PCDHGB2: variants seen among roughly 807,000 people sequenced by gnomAD.
The protein encoded by PCDHGB2 is protocadherin gamma subfamily B, 2, also known as protocadherin gamma-B2.
Under a neutral mutation model 59.3 loss-of-function variants are expected in PCDHGB2, and 55 were observed. The observed-to-expected ratio is 0.93, with a 90% CI of 0.75 to 1.16. The LOEUF (loss-of-function observed/expected upper bound fraction) is 1.16. Ranked by LOEUF, PCDHGB2 falls within the 50% of genes most tolerant of loss-of-function variation. The probability of loss-of-function intolerance (pLI) is 0.00; values close to 1 mark genes in which losing one functional copy is unlikely to be tolerated. For synonymous variants in PCDHGB2, 516 were observed against 512.0 expected (o/e 1.01, Z -0.11); for missense variants, 1,228 against 1,198.5 (o/e 1.02, Z -0.36).
At chr5:141,414,587 G>A (rs775783880) in intron 1 of PCDHGB2, 5 of 1,613,828 alleles carry the variant, frequency 3.1e-6, no homozygotes, top group Non-Finnish European at 8.5e-7. Context: ...AACAACGCCA[G>A]GGGTGCCTCC....
At chr5:141,393,316 A>T (rs2092726404) in intron 1 of PCDHGB2, 2 of 1,612,964 alleles carry the variant, frequency 1.2e-6, no homozygotes, top group Non-Finnish European at 1.7e-6. Flanking sequence ...AACTCCCTCC[A>T]GAGCTACCAG....
At chr5:141,496,581 C>T (rs868326584) in intron 2 of PCDHGB2, among the ~76,000 whole-genome samples, 9 of 152,134 alleles carry the variant, frequency 5.9e-5, no homozygotes, top group African/African-American at 1.9e-4. Flanking sequence ...ATTTTAGGAA[C>T]GCAAAGCGCT....
At chr5:141,488,594 C>T (rs1398982317) in intron 1 of PCDHGB2, among the ~76,000 whole-genome samples, 3 of 152,164 alleles carry the variant, frequency 2.0e-5, no homozygotes, top group African/African-American at 7.2e-5. Context: ...CAGGGCAAGA[C>T]TTTACAAGGT....
At chr5:141,411,059 C>T (rs1384816111) in intron 1 of PCDHGB2, 1 of 156,328 alleles carries the variant, frequency 6.4e-6, no homozygotes, top group African/African-American at 2.4e-5. Context: ...ACTATGTCGA[C>T]CAGGCTGTTC....
At chr5:141,371,258 G>A in intron 1 of PCDHGB2, 1 of 1,614,052 alleles carries the variant, frequency 6.2e-7, no homozygotes, top group South Asian at 1.1e-5. Context: ...GCAAGGAAGT[G>A]AGACAACTGT....
intron 1 of PCDHGB2, chr5:141,365,091 A>G: frequency 6.2e-7 from 1 of 1,613,870 alleles, no homozygotes. Context: ...GTTCCAGAGA[A>G]CATACCTGTG....
chr5:141,431,389 G>T lies in PCDHGB2; in HGVS notation c.2422-63418G>T, dbSNP rs1213370298. 1 of 1,613,876 alleles carries T rather than the reference G, an allele frequency of 6.2e-7. No homozygotes were observed. Among genetic ancestry groups the T allele is most frequent in the Admixed American group, 1.7e-5 (1 of 60,028 alleles). On this transcript the variant is annotated intron_variant, in intron 1 of 3. Transcript: ENST00000522605. This position sits in a 1 kb window ranked among gnomAD's most constrained non-coding sequence, Gnocchi z 4.8. ...GCGAAGAAAAGGCTGCTCACCACCT[G>T]GTCCTTACGGCCTCCGACGGGGGCG...
intron 1 of PCDHGB2, chr5:141,427,619 C>T: frequency 1.4e-6 from 1 of 696,342 alleles, no homozygotes; most frequent in Non-Finnish European, 2.6e-6. Context: ...AAGTCAACGA[C>T]AATGCTCCGG....
rs781580216 is a variant in PCDHGB2 at position 141,430,931 on chromosome 5, G to A, written c.2422-63876G>A. The stretch of plus-strand genomic sequence containing the variant: ...CAGGGACCTGGGGCTGGAGCCCCGG[G>A]AGCTCGCGGAGCGCGGAGTCCGCAT... On this transcript the variant is annotated intron_variant, in intron 1 of 3. Coordinates refer to ENST00000522605, the MANE Select transcript of PCDHGB2 (RefSeq NM_018923.3). The A allele has an allele frequency of 1.5e-5, 24 of 1,607,530 alleles. No individual in the cohort carries two copies. In the East Asian group the frequency reaches 4.9e-4, roughly 33 times the overall value.
At chr5:141,384,990 G>A in intron 1 of PCDHGB2, 1 of 1,614,140 alleles carries the variant, frequency 6.2e-7, no homozygotes, top group Non-Finnish European at 8.5e-7. Context: ...TGGTGGCGGT[G>A]GCCACAGTCT....
At chr5:141,467,571 A>G (rs1228156610) in intron 1 of PCDHGB2, among the ~76,000 whole-genome samples, 1 of 152,212 alleles carries the variant, frequency 6.6e-6, no homozygotes, top group South Asian at 2.1e-4. Flanking sequence ...ATGGCTATCC[A>G]GTTGTCCCAA....
At chr5:141,475,315 A>G (rs766425496) in intron 1 of PCDHGB2, among the ~76,000 whole-genome samples, 2 of 152,182 alleles carry the variant, frequency 1.3e-5, no homozygotes, top group Non-Finnish European at 2.9e-5. Flanking sequence ...CCTGGTTCTT[A>G]AGAAATGAGA....
chr5:141,401,010 G>A (rs62378449), intron 1 of PCDHGB2, among the ~76,000 whole-genome samples: 17,448 of 152,052 alleles, frequency 0.11, 1,158 homozygotes, highest in African/African-American at 0.18. Context: ...CCTACCTAAT[G>A]GATTTATGAT....
At chr5:141,389,118 C>T in intron 1 of PCDHGB2, 1 of 1,614,006 alleles carries the variant, frequency 6.2e-7, no homozygotes, top group Non-Finnish European at 8.5e-7. Context: ...AGACCGCGAG[C>T]AGAATCCAGA....
In PCDHGB2 at chr5:141,362,538, C is replaced by T. The variant is rs1762553339; in HGVS notation, c.2403C>T (p.Ala801=). ...TNHGAAGVPF[A]SDTILKQAPP... ...ATGGAGCCGCTGGGGTCCCTTTTGC[C>T]TCAGATACTATTTTGAAGGTGAGCT... The change falls in exon 1 of 4, where the codon GCC becomes GCT. Residue 801 remains alanine (A), a synonymous_variant. Coordinates refer to ENST00000522605, the MANE Select transcript of PCDHGB2 (RefSeq NM_018923.3). 1 of 1,613,736 alleles carries T rather than the reference C, an allele frequency of 6.2e-7. No homozygotes were observed. The highest frequency in any genetic ancestry group is 1.1e-5 in the South Asian group (1 of 91,056).
intron 1 of PCDHGB2, chr5:141,383,126 C>T (rs1024955582): frequency 6.2e-7 from 1 of 1,614,062 alleles, no homozygotes; most frequent in African/African-American, 1.3e-5. Context: ...CAGCTTTTCG[C>T]CCTGAACCAG....
At chr5:141,492,242 C>G (rs2099738685) in intron 1 of PCDHGB2, among the ~76,000 whole-genome samples, 1 of 152,190 alleles carries the variant, frequency 6.6e-6, no homozygotes, top group Admixed American at 6.5e-5. Flanking sequence ...GCTGGCCACC[C>G]CCACGGCCCA....
chr5:141,480,955 G>A (rs2154578440), intron 1 of PCDHGB2, among the ~76,000 whole-genome samples: 1 of 152,304 alleles, frequency 6.6e-6, no homozygotes, highest in South Asian at 2.1e-4. Context: ...TGAGGCGGAA[G>A]CATCAGTGAG....
rs753538822 is a variant in PCDHGB2, at chr5:141,476,676, G to C, written c.2422-18131G>C. 6 of 1,614,222 alleles carry C rather than the reference G, an allele frequency of 3.7e-6. No individual in the cohort carries two copies. Among genetic ancestry groups the C allele is most frequent in the Non-Finnish European group, 4.2e-6 (5 of 1,180,054 alleles). ...TACTTTGCGCTTCGCGTGCAGACGCGGGAGGACAGCACCAAGTACGCGGAG... is the reference window on the plus strand; with the variant it reads ...TACTTTGCGCTTCGCGTGCAGACGCCGGAGGACAGCACCAAGTACGCGGAG... On this transcript the variant is annotated intron_variant, in intron 1 of 3. Transcript: ENST00000522605. The surrounding 1 kb of genome is among the most constrained non-coding windows in gnomAD (Gnocchi z 7.6).
Sources: gnomAD v4.1 joint callset for allele counts (sites outside exome capture counted in the v4.1 genomes callset) on GRCh38, gnomAD v4.1.1 for gene constraint, Gnocchi (gnomAD v3.1) non-coding constraint, MANE v1.5 for transcripts, NCBI Gene and HGNC (gene_info 2026-07-23, HGNC 2026-07-21) for gene names.